MAK: variants seen among roughly 807,000 people sequenced by gnomAD.
The protein encoded by MAK is male germ cell associated kinase.
In MAK, 65 loss-of-function variants were observed where a neutral mutation model predicts 82.6. The observed-to-expected ratio is 0.79, with a 90% confidence interval of 0.64 to 0.97. The LOEUF (loss-of-function observed/expected upper bound fraction) is 0.97, where lower values mean the gene tolerates loss of function less well. Among genes scored for constraint, MAK ranks in the 50% least tolerant of loss-of-function variants. MAK has a pLI of 0.00. For missense variants in MAK, 703 were observed against 780.2 expected, an observed-to-expected ratio of 0.90 and a Z score of 1.18; for synonymous variants, 250 against 274.2, an observed-to-expected ratio of 0.91 and a Z score of 0.87.
In MAK at chr6:10,770,074, T is replaced by C. The variant is rs751697872; in HGVS notation, c.1792+37A>G. 12 of 1,613,956 alleles carry C rather than the reference T, an allele frequency of 7.4e-6. No individual in the cohort carries two copies. The African/African-American group carries it at 1.3e-4, about 18-fold the overall frequency. ...TAAAAAGGAAAATGTTCCTTTCTGC[T>C]AGGAATCTAGAAAACTGTATCTGAA... On this transcript the variant is annotated intron_variant, in intron 14 of 14. Coordinates refer to ENST00000354489, the MANE Select transcript of MAK (RefSeq NM_001242957.3).
intron 10 of MAK, among the ~76,000 whole-genome samples, chr6:10,789,491 T>G (rs148008673): frequency 3.3e-5 from 5 of 152,144 alleles, no homozygotes; most frequent in African/African-American, 1.2e-4. Context: ...ACAGATAGTA[T>G]CAAACCCTAT....
At chr6:10,799,317 C>T (rs536617186) in intron 8 of MAK, among the ~76,000 whole-genome samples, 3 of 152,148 alleles carry the variant, frequency 2.0e-5, no homozygotes, top group Admixed American at 1.3e-4. Context: ...TAAACAAAGA[C>T]TGAACATTTA....
intron 2 of MAK, 136 bp downstream of exon 2, chr6:10,830,412 C>CATG (rs1778726585): frequency 1.4e-6 from 1 of 710,716 alleles, no homozygotes; most frequent in East Asian, 2.8e-5. Flanking sequence ...GATCCGCCCG[C>CATG]CTCGGCCTCC....
At chr6:10,780,620 A>G (rs762209268) in intron 11 of MAK, among the ~76,000 whole-genome samples, 1 of 151,906 alleles carries the variant, frequency 6.6e-6, no homozygotes, top group Non-Finnish European at 1.5e-5. Flanking sequence ...ACGCCCAGCT[A>G]ATTTTTGTAT....
intron 10 of MAK, among the ~76,000 whole-genome samples, chr6:10,788,795 C>T (rs1774823586): frequency 6.6e-6 from 1 of 152,128 alleles, no homozygotes; most frequent in South Asian, 2.1e-4. Flanking sequence ...CAGTGGTCTT[C>T]AAACTCTTCT....
At position 10,797,586 on chromosome 6, in the gene MAK, T is replaced by C. The variant is rs1457811920; in HGVS notation, c.832-1277A>G. The C allele has an allele frequency of 6.1e-6, 6 of 985,164 alleles. No individual in the cohort carries two copies. In the African/African-American group the frequency reaches 7.0e-5, roughly 11 times the overall value. The allele number at this position is 985,164 out of a possible 1,614,324, so 61.0% of individuals were successfully genotyped here. A position where few individuals can be genotyped will look rare whatever the true frequency, so the allele number is the denominator to read the frequency against. The stretch of plus-strand genomic sequence containing the variant: ...GTCTAAAGCCTGTGTAGCTCAGCTA[T>C]GGAAAAATTCCCTTATTGGCATCAA... On this transcript the variant is annotated intron_variant, in intron 8 of 14. Coordinates refer to ENST00000354489, the MANE Select transcript of MAK (RefSeq NM_001242957.3).
chr6:10,819,751 TG>T (rs1777781399), intron 2 of MAK, among the ~76,000 whole-genome samples: 2 of 152,228 alleles, frequency 1.3e-5, no homozygotes, highest in Non-Finnish European at 1.5e-5. Context: ...AGTTAGTTGT[TG>T]TTTTTATATG....
At chr6:10,770,946 G>A (rs1393632061) in intron 13 of MAK, among the ~76,000 whole-genome samples, 6 of 152,122 alleles carry the variant, frequency 3.9e-5, no homozygotes, top group Admixed American at 6.5e-5. Flanking sequence ...GCAGGTTCAC[G>A]GGGTGGAGGT....
chr6:10,821,991 C>CA (rs1479776259), intron 2 of MAK, among the ~76,000 whole-genome samples: 2 of 149,860 alleles, frequency 1.3e-5, no homozygotes, highest in Non-Finnish European at 3.0e-5. Context: ...ACTGAAAATA[C>CA]AAAAAATTAG....
chr6:10,777,203 T>G (rs1773533590), intron 11 of MAK, among the ~76,000 whole-genome samples: 1 of 152,060 alleles, frequency 6.6e-6, no homozygotes, highest in African/African-American at 2.4e-5. Flanking sequence ...GGTCAGGAGT[T>G]CGAGACAAGC....
At chr6:10,791,625 T>A (rs1165812516) in intron 10 of MAK, 50 bp downstream of exon 10, 1 of 1,542,918 alleles carries the variant, frequency 6.5e-7, no homozygotes, top group East Asian at 2.2e-5. Flanking sequence ...ATGAGTAAAA[T>A]AAAGTTAATG....
intron 11 of MAK, among the ~76,000 whole-genome samples, 185 bp from the exon 12 acceptor site, chr6:10,775,644 A>G (rs1244384108): frequency 1.3e-5 from 2 of 152,234 alleles, no homozygotes; most frequent in Non-Finnish European, 1.5e-5. Context: ...CCCTTAGCAC[A>G]ACCACCTGGA....
At chr6:10,818,618 A>C (rs1421401053) in intron 3 of MAK, among the ~76,000 whole-genome samples, 1 of 151,844 alleles carries the variant, frequency 6.6e-6, no homozygotes, top group African/African-American at 2.4e-5. Flanking sequence ...TGTCACAAAA[A>C]AAAAAAAAAA....
Position 10,817,752 on chromosome 6 carries a change from T to C in MAK, c.278+98A>G, listed in dbSNP as rs1007327864. The C allele has an allele frequency of 2.1e-5, 21 of 1,021,810 alleles. No homozygotes were observed. The Admixed American group carries it at 2.4e-4, about 12-fold the overall frequency. 63.3% of individuals were successfully genotyped at this position (1,021,810 alleles called of 1,614,324 possible). ...AACTGGTTAATTTAAATTTACCTTT[T>C]GGAGCAATCAATCTTTCTCTCATAA... is the stretch of plus-strand genomic sequence containing the variant. On this transcript the variant is annotated intron_variant, in intron 4 of 14. Coordinates refer to ENST00000354489, the MANE Select transcript of MAK (RefSeq NM_001242957.3).
chr6:10,790,983 G>A (rs913815872), intron 10 of MAK, among the ~76,000 whole-genome samples: 1 of 152,136 alleles, frequency 6.6e-6, no homozygotes, highest in African/African-American at 2.4e-5. Context: ...TGACAGGCTG[G>A]ATCCTCTGCC....
intron 4 of MAK, among the ~76,000 whole-genome samples, chr6:10,815,945 T>TATATATATATATATATATATAAATAA (rs1171616235): frequency 8.6e-6 from 1 of 116,826 alleles, no homozygotes; most frequent in African/African-American, 3.8e-5. Context: ...TATATATATA[T>TATATATATATATATATATATAAATAA]ATGTATGTTT....
At chr6:10,805,437 C>G (rs544891006) in intron 6 of MAK, among the ~76,000 whole-genome samples, 7 of 151,766 alleles carry the variant, frequency 4.6e-5, no homozygotes, top group Non-Finnish European at 1.0e-4. Context: ...AATACAAAAA[C>G]TTAGCTGGGT....
At chr6:10,770,597 ATC>A (rs1772914600) in intron 13 of MAK, among the ~76,000 whole-genome samples, 2 of 152,046 alleles carry the variant, frequency 1.3e-5, no homozygotes, top group Non-Finnish European at 2.9e-5. Flanking sequence ...CGAAGCCCCT[ATC>A]TCTGAAGTGC....
chr6:10,837,698 T>A (rs1211622418), intron 1 of MAK, among the ~76,000 whole-genome samples: 1 of 152,252 alleles, frequency 6.6e-6, no homozygotes, highest in East Asian at 1.9e-4. Context: ...GCTCTTTCCT[T>A]GTAGGATTGA....
Sources: gnomAD v4.1 joint callset for allele counts (sites outside exome capture counted in the v4.1 genomes callset) on GRCh38, gnomAD v4.1.1 for gene constraint, MANE v1.5 for transcripts, NCBI Gene and HGNC (gene_info 2026-07-23, HGNC 2026-07-21) for gene names.